NRXN3: variants seen among roughly 807,000 people sequenced by gnomAD.
NRXN3 encodes neurexin 3, also known as neurexin III.
NRXN3 carries 32 observed loss-of-function variants against 137.6 expected under a neutral mutation model. The ratio of observed to expected loss-of-function variants is 0.23; its 90% CI spans 0.18 to 0.31. NRXN3 has a LOEUF of 0.31. Among genes scored for constraint, NRXN3 ranks in the 10% least tolerant of loss-of-function variants. The pLI, the probability that NRXN3 is intolerant of heterozygous loss-of-function variation, is 1.00. For missense variants in NRXN3, 1,574 were observed against 2,062.5 expected (o/e 0.76, Z 4.59); for synonymous variants, 798 against 784.5 (o/e 1.02, Z -0.29).
chr14:79,510,089 C>T (rs1415805753), intron 16 of NRXN3, among the ~76,000 whole-genome samples: 1 of 152,102 alleles, frequency 6.6e-6, no homozygotes, highest in Non-Finnish European at 1.5e-5. Flanking sequence ...AAAACACGTG[C>T]CATTAGAAAG....
chr14:78,938,367 A>T (rs756769954), intron 10 of NRXN3, among the ~76,000 whole-genome samples: 1 of 152,210 alleles, frequency 6.6e-6, no homozygotes, highest in Non-Finnish European at 1.5e-5. Flanking sequence ...TTGAATGATC[A>T]TTCAGCTATT....
intron 20 of NRXN3, among the ~76,000 whole-genome samples, chr14:79,846,991 G>C (rs558585470): frequency 4.6e-5 from 7 of 152,134 alleles, no homozygotes; most frequent in Non-Finnish European, 8.8e-5. Context: ...CAACTAATAA[G>C]ATTTTGAATG....
At chr14:78,362,000 A>T (rs1272863954) in intron 4 of NRXN3, among the ~76,000 whole-genome samples, 1 of 508 alleles carries the variant, frequency 2.0e-3, no homozygotes, top group African/African-American at 2.1e-3. Context: ...CTGGCTAACA[A>T]GGTGAAACCC....
intron 15 of NRXN3, among the ~76,000 whole-genome samples, chr14:79,379,273 T>C (rs890167359): frequency 6.6e-6 from 1 of 152,170 alleles, no homozygotes; most frequent in African/African-American, 2.4e-5. Context: ...CATAAGGTGG[T>C]CATTGTGTGT....
At chr14:78,688,087 A>G (rs2098138958) in intron 6 of NRXN3, among the ~76,000 whole-genome samples, 1 of 152,216 alleles carries the variant, frequency 6.6e-6, no homozygotes, top group Admixed American at 6.5e-5. Flanking sequence ...TGGAGATATG[A>G]TTCTTAAGAT....
intron 15 of NRXN3, among the ~76,000 whole-genome samples, chr14:79,442,709 T>C (rs2153572679): frequency 6.6e-6 from 1 of 152,316 alleles, no homozygotes. Flanking sequence ...AAAACACTAT[T>C]GTTGGGTCTA....
At chr14:78,186,134 T>A (rs2060208230) in intron 1 of NRXN3, among the ~76,000 whole-genome samples, 1 of 152,140 alleles carries the variant, frequency 6.6e-6, no homozygotes, top group Non-Finnish European at 1.5e-5. Flanking sequence ...TAGAATCTAG[T>A]CCATGGAGGT....
chr14:78,585,442 A>G (rs931044613), intron 4 of NRXN3, among the ~76,000 whole-genome samples: 1 of 152,144 alleles, frequency 6.6e-6, no homozygotes, highest in Non-Finnish European at 1.5e-5. Context: ...ATTGAAGCAG[A>G]GTGAATATGC....
intron 15 of NRXN3, among the ~76,000 whole-genome samples, chr14:79,032,808 A>G (rs2099610130): frequency 2.0e-5 from 3 of 152,118 alleles, no homozygotes; most frequent in Admixed American, 1.3e-4. Flanking sequence ...TTAAATCCTA[A>G]TTTCCTCTCT....
intron 15 of NRXN3, among the ~76,000 whole-genome samples, chr14:79,051,753 G>A (rs1293721816): frequency 6.6e-6 from 1 of 152,204 alleles, no homozygotes; most frequent in Non-Finnish European, 1.5e-5. Context: ...GAAGGGCAAG[G>A]TTTGGAGAGA....
chr14:79,332,770 C>A (rs1214792239), intron 15 of NRXN3, among the ~76,000 whole-genome samples: 3 of 152,138 alleles, frequency 2.0e-5, no homozygotes, highest in Non-Finnish European at 4.4e-5. Context: ...GTGTTTAGTT[C>A]CATATTCACA....
chr14:78,831,290 G>C (rs957102208), intron 10 of NRXN3, among the ~76,000 whole-genome samples: 1 of 152,016 alleles, frequency 6.6e-6, no homozygotes, highest in Non-Finnish European at 1.5e-5. Flanking sequence ...TATCACACCT[G>C]TAACCCCAGC....
intron 4 of NRXN3, among the ~76,000 whole-genome samples, chr14:78,602,255 T>C (rs1358571893): frequency 6.8e-6 from 1 of 147,664 alleles, no homozygotes; most frequent in Non-Finnish European, 1.5e-5. Context: ...TTGGTTTGCA[T>C]TTCACATTAG....
chr14:79,825,206 C>CTTTTTTTTTTTTTTTTTTT (rs11449914), intron 20 of NRXN3, among the ~76,000 whole-genome samples: 1 of 117,820 alleles, frequency 8.5e-6, no homozygotes, highest in Non-Finnish European at 1.7e-5. Flanking sequence ...TCTTTGTGTG[C>CTTTTTTTTTTTTTTTTTTT]TTTTTTTTTT....
chr14:78,290,252 T>C (rs1254364301), intron 3 of NRXN3, among the ~76,000 whole-genome samples: 2 of 152,238 alleles, frequency 1.3e-5, no homozygotes, highest in African/African-American at 2.4e-5. Context: ...ATTTCACTTT[T>C]GCCTGTTCTC....
At chr14:78,756,266 T>A (rs1469370268) in intron 8 of NRXN3, among the ~76,000 whole-genome samples, 1 of 152,134 alleles carries the variant, frequency 6.6e-6, no homozygotes, top group African/African-American at 2.4e-5. Context: ...GGTGGGCAGA[T>A]CACCTGAGGT....
intron 1 of NRXN3, among the ~76,000 whole-genome samples, chr14:78,236,208 G>A (rs988476647): frequency 1.1e-4 from 17 of 152,076 alleles, no homozygotes; most frequent in Non-Finnish European, 4.4e-5. Context: ...AACACATTAC[G>A]CAGAATCACC....
At chr14:78,913,763 GA>G (rs1464128622) in intron 10 of NRXN3, among the ~76,000 whole-genome samples, 2 of 152,112 alleles carry the variant, frequency 1.3e-5, no homozygotes, top group Non-Finnish European at 2.9e-5. Flanking sequence ...TCCATAAAGA[GA>G]AAACAGATGA....
rs11845449 is a variant in NRXN3 at position 78,950,249 on chromosome 14, G to A, written c.2276-6993G>A. 8.5e-3 allele frequency among the ~76,000 whole-genome samples: 1,299 copies of A among 152,236 alleles called. 8 individuals are homozygous for A. Among genetic ancestry groups the A allele is most frequent in the African/African-American group, 0.027 (1,121 of 41,544 alleles). On this transcript the variant is annotated intron_variant, in intron 10 of 20. Transcript: ENST00000335750. ...AGTGGTTTCATGGAGAGAGATTATC[G>A]CAAGAAAGCTTGAGCCTGTCCCCAG...
Sources: gnomAD v4.1 joint callset for allele counts (sites outside exome capture counted in the v4.1 genomes callset) on GRCh38, gnomAD v4.1.1 for gene constraint, MANE v1.5 for transcripts, NCBI Gene and HGNC (gene_info 2026-07-23, HGNC 2026-07-21) for gene names.